RANGAP1: variants seen among roughly 807,000 people sequenced by gnomAD.
The protein encoded by RANGAP1 is ran GTPase-activating protein 1.
Under a neutral mutation model 63.5 loss-of-function variants are expected in RANGAP1, and 38 were observed. The observed-to-expected ratio is 0.60, with a 90% confidence interval of 0.46 to 0.78. The LOEUF (loss-of-function observed/expected upper bound fraction) is 0.78, where lower values mean the gene tolerates loss of function less well. Among genes scored for constraint, RANGAP1 ranks in the 30% least tolerant of loss-of-function variants. The pLI, the probability that RANGAP1 is intolerant of heterozygous loss-of-function variation, is 0.00. For synonymous variants in RANGAP1, 329 were observed against 310.5 expected (o/e 1.06, Z -0.63); for missense variants, 630 against 740.3 (o/e 0.85, Z 1.73).
chr22:41,261,448 T>C lies in RANGAP1; in HGVS notation c.613A>G (p.Arg205Gly), dbSNP rs2034164599. The change falls in exon 6 of 16, where the codon AGG (arginine) becomes GGG (glycine). Residue 205 changes from arginine (R) to glycine (G), a missense_variant and splice_region_variant. Physicochemically the swap from Arg to Gly is moderately radical, Grantham distance 125 (BLOSUM62 -2). Around this residue, in one of 3 missense-constraint regions of RANGAP1, gnomAD observed 137 missense variants for 214.3 expected, o/e 0.64. Coordinates refer to ENST00000356244, the MANE Select transcript of RANGAP1 (RefSeq NM_002883.4). The stretch of plus-strand genomic sequence containing the variant: ...CAGGATGGACAGAAACCACTCACCC[T>C]AAAAGCTTCTGCCAAGGCAGTGGCG... ...DGATALAEAF[R>G]VIGTLEEVHM... The C allele has an allele frequency of 1.9e-6, 3 of 1,614,206 alleles. No individual in the cohort carries two copies. The highest frequency in any genetic ancestry group is 1.7e-6 in the Non-Finnish European group (2 of 1,180,028).
intron 3 of RANGAP1, among the ~76,000 whole-genome samples, chr22:41,270,316 T>C (rs1459772913): frequency 6.6e-6 from 1 of 151,974 alleles, no homozygotes; most frequent in Non-Finnish European, 1.5e-5. Flanking sequence ...AATTTTTATA[T>C]ATTTTTTAAG....
intron 7 of RANGAP1, 69 bp from the exon 8 acceptor site, chr22:41,256,893 G>T: frequency 8.1e-7 from 1 of 1,237,280 alleles, no homozygotes; most frequent in Non-Finnish European, 1.2e-6. Context: ...AAGCCCCGGG[G>T]GCCCCACACG....
intron 3 of RANGAP1, among the ~76,000 whole-genome samples, chr22:41,269,830 TATTTA>T (rs1182709242): frequency 6.6e-6 from 1 of 152,054 alleles, no homozygotes; most frequent in East Asian, 1.9e-4. Context: ...CAATTACCCT[TATTTA>T]ATTTATTTAT....
intron 13 of RANGAP1, among the ~76,000 whole-genome samples, chr22:41,250,131 A>G (rs538826871): frequency 1.3e-5 from 2 of 152,360 alleles, no homozygotes; most frequent in South Asian, 2.1e-4. Flanking sequence ...TTCCTGAGGC[A>G]GGCTACCACT....
intron 11 of RANGAP1, among the ~76,000 whole-genome samples, chr22:41,253,410 A>G (rs1412920464): frequency 6.6e-6 from 1 of 152,240 alleles, no homozygotes; most frequent in Non-Finnish European, 1.5e-5. Flanking sequence ...GAACCTAGCC[A>G]TTTGTTTAAT....
Position 41,257,814 on chromosome 22 carries a change from G to T in RANGAP1, c.774+134C>A. On this transcript the variant is annotated intron_variant, in intron 7 of 15. Coordinates refer to ENST00000356244, the MANE Select transcript of RANGAP1 (RefSeq NM_002883.4). This position sits in a 1 kb window ranked among gnomAD's most constrained non-coding sequence, Gnocchi z 4.0. ...TTCAGGACATGTTCAAAGAGCTGGA[G>T]CCATGGGGCACACACCCAGGGGGCA... is the stretch of plus-strand genomic sequence containing the variant. The T allele has an allele frequency of 9.0e-7, 1 of 1,106,016 alleles. No individual in the cohort carries two copies. The highest frequency in any genetic ancestry group is 1.2e-6 in the Non-Finnish European group (1 of 802,174). The allele number at this position is 1,106,016 out of a possible 1,614,324, so 68.5% of individuals were successfully genotyped here.
chr22:41,294,159 C>G, the RANGAP1 span, among the ~76,000 whole-genome samples: 2 of 152,234 alleles, frequency 1.3e-5, no homozygotes, highest in Non-Finnish European at 2.9e-5. Flanking sequence ...CTGCCTGATT[C>G]TCCTGCCTCA....
rs1411238959 is a variant in RANGAP1 at position 41,258,118 on chromosome 22, A to T, written c.616-12T>A. ...AGGGTCCCGATGACCTGTGAAGAGG[A>T]GGCAGAGAGTGGAGGGGGCCCCGAG... is the stretch of plus-strand genomic sequence containing the variant. On this transcript the variant is annotated splice_polypyrimidine_tract_variant and intron_variant, in intron 6 of 15. Transcript: ENST00000356244. 1 of 1,587,070 alleles carries T rather than the reference A, an allele frequency of 6.3e-7. No individual in the cohort carries two copies. The highest frequency in any genetic ancestry group is 2.3e-5 in the East Asian group (1 of 43,836).
intron 3 of RANGAP1, among the ~76,000 whole-genome samples, chr22:41,273,794 G>T (rs1445510810): frequency 1.5e-4 from 6 of 41,300 alleles, no homozygotes; most frequent in South Asian, 7.7e-4. Context: ...AAAAAAAAAA[G>T]GCCGGGAGCA....
chr22:41,254,377 C>T lies in RANGAP1; in HGVS notation c.1191G>A (p.Glu397=). The T allele has an allele frequency of 6.2e-7, 1 of 1,613,974 alleles. No homozygotes were observed. Among genetic ancestry groups the T allele is most frequent in the Non-Finnish European group, 8.5e-7 (1 of 1,179,890 alleles). The part of the protein sequence containing the change: ...EEEEEEEEEE[E]PQQRGQGEKS... ...TCTCTCCCTGCCCTCGCTGCTGAGGCTCTTCTTCCTCCTCCTCCTCCTCTT... is the reference window on the plus strand; with the variant it reads ...TCTCTCCCTGCCCTCGCTGCTGAGGTTCTTCTTCCTCCTCCTCCTCCTCTT... The change falls in exon 11 of 16, where the codon GAG becomes GAA. Residue 397 remains glutamate, a synonymous_variant. Transcript: ENST00000356244.
intron 6 of RANGAP1, among the ~76,000 whole-genome samples, chr22:41,260,564 G>A (rs1028087457): frequency 6.6e-6 from 1 of 152,176 alleles, no homozygotes; most frequent in African/African-American, 2.4e-5. Context: ...TAAGAGAAGA[G>A]GGGCCGGACG....
At chr22:41,268,202 A>T in intron 3 of RANGAP1, 46 bp from the exon 4 acceptor site, 1 of 1,443,116 alleles carries the variant, frequency 6.9e-7, no homozygotes, top group Non-Finnish European at 9.5e-7. Flanking sequence ...AGACCCCTGG[A>T]GGCCCATAGT....
chr22:41,271,986 T>C (rs1458430181), intron 3 of RANGAP1, among the ~76,000 whole-genome samples: 1 of 152,152 alleles, frequency 6.6e-6, no homozygotes, highest in African/African-American at 2.4e-5. Context: ...GGCGGGAAGG[T>C]GCATGCAGCA....
Position 41,264,284 on chromosome 22 carries a change from C to T in RANGAP1, c.480+380G>A, listed in dbSNP as rs1020409515. Among the ~76,000 whole-genome samples, 37 of 53,392 alleles carry T rather than the reference C, an allele frequency of 6.9e-4. 1 individual carries two copies. Among genetic ancestry groups the T allele is most frequent in the Non-Finnish European group, 2.6e-4 (7 of 27,274 alleles). The allele number at this position is 53,392 out of a possible 152,430, so 35.0% of individuals were successfully genotyped here. Reference sequence around the variant, plus strand: ...GTCTAGGAATAAAGGTGAGCTGTGACGGTGCCCCCCCTGAGCATATGCTCC... The same window carrying T: ...GTCTAGGAATAAAGGTGAGCTGTGATGGTGCCCCCCCTGAGCATATGCTCC... On this transcript the variant is annotated intron_variant, in intron 5 of 15. Coordinates refer to ENST00000356244, the MANE Select transcript of RANGAP1 (RefSeq NM_002883.4).
At chr22:41,294,998 G>A in the RANGAP1 span, among the ~76,000 whole-genome samples, 1 of 126,174 alleles carries the variant, frequency 7.9e-6, no homozygotes, top group Non-Finnish European at 1.7e-5. Flanking sequence ...CCCCCAGCCC[G>A]GCCAGCCAAC....
chr22:41,258,589 A>C (rs932971269), intron 6 of RANGAP1, among the ~76,000 whole-genome samples: 1 of 152,224 alleles, frequency 6.6e-6, no homozygotes, highest in Admixed American at 6.5e-5. Context: ...TGGCCCATGC[A>C]GCCCTATCAC....
chr22:41,295,081 G>T, the RANGAP1 span, among the ~76,000 whole-genome samples: 1 of 145,176 alleles, frequency 6.9e-6, no homozygotes. Context: ...AGGTGGGGGG[G>T]TCAGCCCCCC....
intron 5 of RANGAP1, 51 bp downstream of exon 5, chr22:41,264,613 C>T (rs563183743): frequency 3.8e-5 from 60 of 1,560,002 alleles, no homozygotes; most frequent in East Asian, 1.8e-4. Context: ...ATATGTCAGA[C>T]GGATGTGGAT....
upstream of RANGAP1, among the ~76,000 whole-genome samples, chr22:41,288,073 G>A (rs2035794681): frequency 2.0e-5 from 3 of 152,078 alleles, no homozygotes; most frequent in South Asian, 6.2e-4. Flanking sequence ...CACCACAAGG[G>A]AAGTGGGCAT....
Sources: allele counts gnomAD v4.1 joint callset (sites outside exome capture counted in the v4.1 genomes callset), GRCh38; gene constraint gnomAD v4.1.1; regional missense constraint gnomAD v4.1.1; non-coding constraint Gnocchi (gnomAD v3.1); transcripts MANE v1.5; gene names NCBI Gene and HGNC (gene_info 2026-07-23, HGNC 2026-07-21).